The following SPOPL variants were observed in gnomAD, a reference collection of about 807,000 sequenced individuals.
SPOPL encodes the protein speckle-type POZ protein-like.
In SPOPL, 23 loss-of-function variants were observed where a neutral mutation model predicts 53.8. That is an observed-to-expected ratio of 0.43 (90% confidence interval 0.31 to 0.61). The LOEUF is 0.61. Among genes scored for constraint, SPOPL ranks in the 20% least tolerant of loss-of-function variants. The pLI, the probability that SPOPL is intolerant of heterozygous loss-of-function variation, is 0.12. For synonymous variants in SPOPL, 164 were observed against 149.7 expected, an observed-to-expected ratio of 1.10 and a Z score of -0.70; for missense variants, 442 against 466.9, an observed-to-expected ratio of 0.95 and a Z score of 0.49.
intron 1 of SPOPL, among the ~76,000 whole-genome samples, chr2:138,506,066 A>G (rs749257622): frequency 6.6e-6 from 1 of 152,200 alleles, no homozygotes; most frequent in Non-Finnish European, 1.5e-5. Context: ...TCCTAAGAGC[A>G]ATAGGAAGCC....
chr2:138,520,417 A>G (rs1025268929), intron 1 of SPOPL, among the ~76,000 whole-genome samples: 14 of 152,210 alleles, frequency 9.2e-5, no homozygotes, highest in Non-Finnish European at 1.3e-4. Context: ...ATACCTGCGT[A>G]CATACATGTA....
chr2:138,551,733 A>G (rs929626283), intron 4 of SPOPL, among the ~76,000 whole-genome samples: 1 of 151,988 alleles, frequency 6.6e-6, no homozygotes, highest in African/African-American at 2.4e-5. Context: ...AATAATATAT[A>G]TTTTCACATT....
intron 1 of SPOPL, among the ~76,000 whole-genome samples, chr2:138,517,738 C>CAA (rs1368460433): frequency 7.7e-5 from 8 of 103,852 alleles, no homozygotes; most frequent in East Asian, 5.6e-4. Context: ...GACTCCGTCT[C>CAA]AAAAAAAAAA....
chr2:138,535,540 TA>T (rs1306989482), intron 1 of SPOPL, among the ~76,000 whole-genome samples: 3 of 147,876 alleles, frequency 2.0e-5, no homozygotes, highest in African/African-American at 7.5e-5. Context: ...TTTTTTTTAA[TA>T]GCCATTCTAG....
intron 1 of SPOPL, among the ~76,000 whole-genome samples, chr2:138,524,041 C>T (rs1008896618): frequency 1.1e-4 from 16 of 152,204 alleles, no homozygotes; most frequent in South Asian, 2.1e-4. Flanking sequence ...AGCAGAGGTT[C>T]TCCATGAGAG....
At chr2:138,566,898 A>ATATAGCTGAGTCT (rs1685672158) in intron 10 of SPOPL, among the ~76,000 whole-genome samples, 1 of 152,220 alleles carries the variant, frequency 6.6e-6, no homozygotes, top group African/African-American at 2.4e-5. Flanking sequence ...GGCTTCCTGG[A>ATATAGCTGAGTCT]TATAGCTGAG....
Position 138,570,835 on chromosome 2 carries a change from A to G in SPOPL, c.*1755A>G, listed in dbSNP as rs949772362. On this transcript the variant is annotated 3_prime_UTR_variant, in exon 11 of 11. Coordinates refer to ENST00000280098, the MANE Select transcript of SPOPL (RefSeq NM_001001664.3). Reference sequence around the variant, plus strand: ...TTCATATTTACATTGAAAAAACTCAACTAAGCATTTGTTATCCACAACAAC... The same window carrying G: ...TTCATATTTACATTGAAAAAACTCAGCTAAGCATTTGTTATCCACAACAAC... The G allele has an allele frequency of 1.3e-5, 2 of 152,184 alleles. No homozygotes were observed. Among genetic ancestry groups the G allele is most frequent in the African/African-American group, 4.8e-5 (2 of 41,442 alleles). The allele number at this position is 152,184 out of a possible 1,614,324, so 9.4% of individuals were successfully genotyped here.
At chr2:138,517,802 T>A (rs1162016592) in intron 1 of SPOPL, among the ~76,000 whole-genome samples, 4 of 149,498 alleles carry the variant, frequency 2.7e-5, no homozygotes, top group African/African-American at 9.8e-5. Context: ...ATCCCAGCAG[T>A]TTGGGAGGCC....
intron 8 of SPOPL, among the ~76,000 whole-genome samples, chr2:138,563,203 C>T (rs192968311): frequency 1.1e-3 from 173 of 152,254 alleles, no homozygotes; most frequent in African/African-American, 4.0e-3. Flanking sequence ...TCTAGTCAAG[C>T]ATGGTGGCTC....
At chr2:138,550,403 T>TG in intron 2 of SPOPL, 80 bp from the exon 3 acceptor site, 5 of 1,585,106 alleles carry the variant, frequency 3.2e-6, no homozygotes, top group Non-Finnish European at 4.3e-6. Context: ...GTTAGAAGAC[T>TG]GGATCGTAGG....
chr2:138,528,032 C>G (rs1211512508), intron 1 of SPOPL, among the ~76,000 whole-genome samples: 2 of 152,186 alleles, frequency 1.3e-5, no homozygotes, highest in African/African-American at 4.8e-5. Flanking sequence ...TTCTTCGCAT[C>G]TCATTCCTAA....
intron 7 of SPOPL, among the ~76,000 whole-genome samples, chr2:138,559,654 A>G (rs574200162): frequency 6.6e-6 from 1 of 152,280 alleles, no homozygotes; most frequent in Admixed American, 6.5e-5. Flanking sequence ...CAAGGTATAT[A>G]TTCTCCCTTT....
chr2:138,523,686 C>T (rs1238378806), intron 1 of SPOPL, among the ~76,000 whole-genome samples: 1 of 152,154 alleles, frequency 6.6e-6, no homozygotes, highest in African/African-American at 2.4e-5. Flanking sequence ...GCTCCAGGCC[C>T]CCATGCAAAT....
chr2:138,504,795 C>T (rs112222940), intron 1 of SPOPL, among the ~76,000 whole-genome samples: 1 of 152,100 alleles, frequency 6.6e-6, no homozygotes, highest in African/African-American at 2.4e-5. Context: ...TCTGCAGAGC[C>T]CTAGTTGAGA....
rs147854722 is a variant in SPOPL at position 138,510,498 on chromosome 2, A to G, written c.-61+8379A>G. Reference sequence around the variant, plus strand: ...GATTTTCTACCTGCTGGATCGGCCCATTTCTGTTAGAGGGGTGTTGAAGTG... The same window carrying G: ...GATTTTCTACCTGCTGGATCGGCCCGTTTCTGTTAGAGGGGTGTTGAAGTG... On this transcript the variant is annotated intron_variant, in intron 1 of 10. Transcript: ENST00000280098. 3.3e-5 allele frequency among the ~76,000 whole-genome samples: 5 copies of G among 152,286 alleles called. No homozygotes were observed. The East Asian group carries it at 9.6e-4, about 29-fold the overall frequency.
At chr2:138,560,714 G>A (rs562687717) in intron 7 of SPOPL, 91 bp from the exon 8 acceptor site, 2 of 1,361,582 alleles carry the variant, frequency 1.5e-6, no homozygotes, top group African/African-American at 3.0e-5. Flanking sequence ...TGTAGATTTA[G>A]GGCTTTTAAA....
At position 138,556,649 on chromosome 2, in the gene SPOPL, T is replaced by C. The variant is rs551142097; in HGVS notation, c.481-2373T>C. ...GGTAAGGATTAGTGAAACTTTTTTATAGTTATTAAAATTTTAGACATAACT... is the reference window on the plus strand; with the variant it reads ...GGTAAGGATTAGTGAAACTTTTTTACAGTTATTAAAATTTTAGACATAACT... On this transcript the variant is annotated intron_variant, in intron 5 of 10. Transcript: ENST00000280098. Among the ~76,000 whole-genome samples the C allele has an allele frequency of 3.7e-4, 57 of 152,320 alleles. 1 individual carries two copies. Among genetic ancestry groups the C allele is most frequent in the South Asian group, 3.7e-3 (18 of 4,830 alleles).
intron 1 of SPOPL, among the ~76,000 whole-genome samples, chr2:138,516,139 CATCAGCTCAAAGAAGCAG>C (rs2104859898): frequency 6.6e-6 from 1 of 152,224 alleles, no homozygotes; most frequent in East Asian, 1.9e-4. Context: ...CAGCATTGTT[CATCAGCTCAAAGAAGCAG>C]ATAGTGGGTG....
intron 1 of SPOPL, among the ~76,000 whole-genome samples, chr2:138,522,453 C>CT (rs999389048): frequency 4.0e-5 from 6 of 151,878 alleles, no homozygotes; most frequent in Non-Finnish European, 5.9e-5. Flanking sequence ...CACCCCCACC[C>CT]TTTTTTTTAA....
Sources: gnomAD v4.1 joint callset for allele counts (sites outside exome capture counted in the v4.1 genomes callset) on GRCh38, gnomAD v4.1.1 for gene constraint, MANE v1.5 for transcripts, NCBI Gene and HGNC (gene_info 2026-07-23, HGNC 2026-07-21) for gene names.